NCOR1: variants seen among roughly 807,000 people sequenced by gnomAD.
NCOR1 encodes protein phosphatase 1, regulatory subunit 109.
A neutral mutation model predicts 288.1 loss-of-function variants in NCOR1; 63 were observed. The observed-to-expected ratio is 0.22, with a 90% confidence interval of 0.18 to 0.27. NCOR1 has a LOEUF of 0.27. NCOR1 is among the 10% of genes least tolerant of loss of function. The pLI, the probability that NCOR1 is intolerant of heterozygous loss-of-function variation, is 1.00. For missense variants in NCOR1, 2,397 were observed against 3,019.2 expected (o/e 0.79, Z 4.83); for synonymous variants, 1,007 against 1,065.9 (o/e 0.94, Z 1.08).
At position 16,061,745 on chromosome 17, in the gene NCOR1, G is replaced by A. The variant is rs2152610359; in HGVS notation, c.5537C>T (p.Ala1846Val). Reference sequence around the variant, plus strand: ...TCTCAAATTTTCTTCTAACCTGGCAGCTTCATGCTTACTCTCTTTTGTTTT... The same window carrying A: ...TCTCAAATTTTCTTCTAACCTGGCAACTTCATGCTTACTCTCTTTTGTTTT... ...VSKTKESKHE[A>V]ARLEENLRSR... The change falls in exon 37 of 46, where the codon GCT becomes GTT. Residue 1846 changes from alanine to valine, a missense_variant. By Grantham distance (64) the Ala-to-Val change is moderately conservative. Coordinates refer to ENST00000268712, the MANE Select transcript of NCOR1 (RefSeq NM_006311.4). 1.2e-6 allele frequency: 2 copies of A among 1,614,220 alleles called. No homozygotes were observed. Among genetic ancestry groups the A allele is most frequent in the Non-Finnish European group, 1.7e-6 (2 of 1,180,046 alleles).
chr17:16,207,596 C>T (rs2091664465), intron 1 of NCOR1, among the ~76,000 whole-genome samples: 1 of 151,876 alleles, frequency 6.6e-6, no homozygotes, highest in African/African-American at 2.4e-5. Context: ...AAAAAATTAG[C>T]CAGGCGTGGT....
intron 25 of NCOR1, 58 bp downstream of exon 25, chr17:16,080,350 C>T: frequency 1.5e-6 from 2 of 1,351,390 alleles, no homozygotes; most frequent in East Asian, 2.4e-5. Context: ...TAATAACTTA[C>T]TTTAATAAAT....
intron 43 of NCOR1, chr17:16,039,876 C>T (rs547977648): frequency 2.5e-5 from 12 of 480,654 alleles, no homozygotes; most frequent in South Asian, 1.0e-4. Context: ...CTGCAACCTC[C>T]GCCTCCCAGA....
intron 18 of NCOR1, among the ~76,000 whole-genome samples, chr17:16,112,980 G>A (rs1189010825): frequency 1.3e-5 from 2 of 151,844 alleles, no homozygotes; most frequent in Non-Finnish European, 2.9e-5. Flanking sequence ...GTGCGATCTC[G>A]GCTCACTGCA....
At chr17:16,152,053 A>T in intron 7 of NCOR1, 55 bp from the exon 8 acceptor site, 1 of 1,192,306 alleles carries the variant, frequency 8.4e-7, no homozygotes, top group Middle Eastern at 2.2e-4. Context: ...GTCTATGAAG[A>T]GACAAAGAAA....
intron 18 of NCOR1, among the ~76,000 whole-genome samples, chr17:16,111,468 G>A (rs2070150809): frequency 6.6e-6 from 1 of 152,038 alleles, no homozygotes; most frequent in African/African-American, 2.4e-5. Context: ...CAGGCATGGT[G>A]GTGTGTGCCT....
intron 10 of NCOR1, among the ~76,000 whole-genome samples, chr17:16,144,632 G>A (rs1263445288): frequency 6.6e-6 from 1 of 151,938 alleles, no homozygotes; most frequent in Non-Finnish European, 1.5e-5. Flanking sequence ...GCCCCAGTAT[G>A]TGTTGTTCCC....
chr17:16,146,799 T>C (rs1335219182), intron 9 of NCOR1, among the ~76,000 whole-genome samples: 2 of 152,226 alleles, frequency 1.3e-5, no homozygotes, highest in Non-Finnish European at 2.9e-5. Flanking sequence ...TATAAACTAC[T>C]TGACACCTAC....
chr17:16,169,502 G>A lies in NCOR1; in HGVS notation c.435+2301C>T, dbSNP rs138902373. Among the ~76,000 whole-genome samples the A allele has an allele frequency of 4.1e-3, 629 of 152,234 alleles. 7 individuals carry two copies. The highest frequency in any genetic ancestry group is 0.015 in the African/African-American group (607 of 41,542). The stretch of plus-strand genomic sequence containing the variant: ...TTTTTAAATCCTTACTTCTGGAGGT[G>A]GGCAGTTGGGAGAGAATGGGGAGAG... On this transcript the variant is annotated intron_variant, in intron 4 of 45. Transcript: ENST00000268712.
At chr17:16,071,288 A>G (rs2152733091) in intron 30 of NCOR1, 121 bp downstream of exon 30, 1 of 1,408,146 alleles carries the variant, frequency 7.1e-7, no homozygotes, top group East Asian at 2.3e-5. Flanking sequence ...GGTACAGGAA[A>G]CTTTCATGTT....
intron 22 of NCOR1, chr17:16,087,236 T>C: frequency 7.7e-7 from 1 of 1,304,286 alleles, no homozygotes; most frequent in Non-Finnish European, 1.0e-6. Flanking sequence ...TGACTTCTCT[T>C]GGAGAAAGCC....
At position 16,171,870 on chromosome 17, in the gene NCOR1, C is replaced by T. The variant is rs764668587; in HGVS notation, c.368G>A (p.Ser123Asn). ...QVSDSHFQRV[S>N]AAVLPLVHPL... ...GTGCACTAAAGGCAAAACCGCAGCA[C>T]TGACACGCTGAAAATGAGAATCAGA... The change falls in exon 4 of 46, where the codon AGT becomes AAT. Residue 123 changes from serine to asparagine, a missense_variant. Transcript: ENST00000268712. 3.1e-6 allele frequency: 5 copies of T among 1,613,386 alleles called. No homozygotes were observed. Among genetic ancestry groups the T allele is most frequent in the South Asian group, 2.2e-5 (2 of 90,968 alleles).
At chr17:16,168,016 G>C (rs2082357713) in intron 4 of NCOR1, among the ~76,000 whole-genome samples, 1 of 151,604 alleles carries the variant, frequency 6.6e-6, no homozygotes, top group Admixed American at 6.6e-5. Context: ...CAGAAAAATG[G>C]ACAACATATA....
intron 45 of NCOR1, among the ~76,000 whole-genome samples, chr17:16,033,640 C>T (rs977142444): frequency 9.0e-5 from 10 of 111,052 alleles, no homozygotes; most frequent in African/African-American, 2.7e-4. Flanking sequence ...CTCTAAAATT[C>T]GTAATATCCC....
chr17:16,060,769 T>C (rs1191007221), intron 37 of NCOR1, among the ~76,000 whole-genome samples: 1 of 152,156 alleles, frequency 6.6e-6, no homozygotes, highest in African/African-American at 2.4e-5. Context: ...CAGATGCTTA[T>C]TTAAATACTT....
intron 3 of NCOR1, among the ~76,000 whole-genome samples, chr17:16,176,748 A>G (rs2084281846): frequency 6.6e-6 from 1 of 152,052 alleles, no homozygotes; most frequent in East Asian, 1.9e-4. Flanking sequence ...AGAAGTTTGT[A>G]GCCTGACTCT....
intron 42 of NCOR1, among the ~76,000 whole-genome samples, chr17:16,042,426 G>A (rs1286195760): frequency 6.6e-6 from 1 of 152,168 alleles, no homozygotes; most frequent in Non-Finnish European, 1.5e-5. Context: ...CTTAGATACT[G>A]CACTTGCAGG....
intron 19 of NCOR1, among the ~76,000 whole-genome samples, chr17:16,106,885 T>A (rs868303036): frequency 1.7e-3 from 75 of 44,100 alleles, no homozygotes; most frequent in East Asian, 4.5e-3. Flanking sequence ...ATATATATAT[T>A]TTTTTTTTTT....
In NCOR1 at chr17:16,212,823, G is replaced by C. The variant is rs117312905; in HGVS notation, c.-71+2539C>G. Among the ~76,000 whole-genome samples, 1,148 of 151,878 alleles carry C rather than the reference G, an allele frequency of 7.6e-3. 18 individuals carry two copies. Among genetic ancestry groups the C allele is most frequent in the East Asian group, 0.049 (254 of 5,154 alleles). On this transcript the variant is annotated intron_variant, in intron 1 of 45. Coordinates refer to ENST00000268712, the MANE Select transcript of NCOR1 (RefSeq NM_006311.4). Reference sequence around the variant, plus strand: ...GCAGTGGCTCACCCCTATCATCCTAGCACTTTGGGAGGCTGAGACAGGCAG... The same window carrying C: ...GCAGTGGCTCACCCCTATCATCCTACCACTTTGGGAGGCTGAGACAGGCAG...
Sources: gnomAD v4.1 joint callset for allele counts (sites outside exome capture counted in the v4.1 genomes callset) on GRCh38, gnomAD v4.1.1 for gene constraint, MANE v1.5 for transcripts, NCBI Gene and HGNC (gene_info 2026-07-23, HGNC 2026-07-21) for gene names.